RASGRP1: variants seen among roughly 807,000 people sequenced by gnomAD.
RASGRP1 encodes RAS guanyl-releasing protein 1.
Under a neutral mutation model 95.1 loss-of-function variants are expected in RASGRP1, and 37 were observed. The observed-to-expected ratio is 0.39, with a 90% CI of 0.30 to 0.51. The LOEUF (loss-of-function observed/expected upper bound fraction) is 0.51. Among genes scored for constraint, RASGRP1 ranks in the 20% least tolerant of loss-of-function variants. The pLI is 0.80. For synonymous variants in RASGRP1, 325 were observed against 353.4 expected (o/e 0.92, Z 0.90); for missense variants, 711 against 965.4 (o/e 0.74, Z 3.49).
intron 2 of RASGRP1, among the ~76,000 whole-genome samples, chr15:38,535,193 C>T (rs1201571806): frequency 6.6e-6 from 1 of 152,112 alleles, no homozygotes; most frequent in African/African-American, 2.4e-5. Context: ...GTAGAGGAAC[C>T]TCCACAAGAA....
At chr15:38,526,215 A>G in intron 3 of RASGRP1, 84 bp downstream of exon 3, 1 of 1,119,078 alleles carries the variant, frequency 8.9e-7, no homozygotes, top group South Asian at 1.3e-5. Context: ...CCAAACCAAT[A>G]AAAATAAAAG....
At chr15:38,511,053 A>G (rs1050695034) in intron 8 of RASGRP1, among the ~76,000 whole-genome samples, 1 of 152,236 alleles carries the variant, frequency 6.6e-6, no homozygotes, top group African/African-American at 2.4e-5. Context: ...AATGTACAGG[A>G]CATTTAAGAA....
intron 8 of RASGRP1, 86 bp downstream of exon 8, chr15:38,511,518 C>T (rs1891511786): frequency 2.9e-6 from 3 of 1,023,694 alleles, no homozygotes; most frequent in Non-Finnish European, 1.5e-6. Flanking sequence ...GTTGGAAATG[C>T]TCTCTGGGCT....
At chr15:38,548,977 G>T (rs1376940782) in intron 2 of RASGRP1, among the ~76,000 whole-genome samples, 2 of 152,202 alleles carry the variant, frequency 1.3e-5, no homozygotes, top group Non-Finnish European at 2.9e-5. Flanking sequence ...TTCCTTTAGG[G>T]ATTAAAGCAA....
chr15:38,561,966 T>C (rs1421681744), intron 1 of RASGRP1, among the ~76,000 whole-genome samples: 1 of 152,188 alleles, frequency 6.6e-6, no homozygotes. Flanking sequence ...TCTTGAGGCT[T>C]ACAGCCCAGA....
At chr15:38,506,389 T>A (rs1380514370) in intron 9 of RASGRP1, among the ~76,000 whole-genome samples, 1 of 152,130 alleles carries the variant, frequency 6.6e-6, no homozygotes, top group Non-Finnish European at 1.5e-5. Context: ...ATTCCCAGCA[T>A]TTTGGGAGGC....
At chr15:38,493,984 C>T (rs1160259781) in intron 16 of RASGRP1, among the ~76,000 whole-genome samples, 1 of 152,092 alleles carries the variant, frequency 6.6e-6, no homozygotes, top group Non-Finnish European at 1.5e-5. Flanking sequence ...CATTTTAGTT[C>T]CATCTAGAAA....
chr15:38,533,305 A>G (rs1823560658), intron 2 of RASGRP1, among the ~76,000 whole-genome samples: 1 of 152,194 alleles, frequency 6.6e-6, no homozygotes, highest in Admixed American at 6.5e-5. Flanking sequence ...GAGGTTGATA[A>G]TGGAGGTCAG....
chr15:38,501,361 C>G (rs781569235), intron 12 of RASGRP1, 74 bp from the exon 13 acceptor site: 3 of 1,525,932 alleles, frequency 2.0e-6, no homozygotes, highest in Non-Finnish European at 2.7e-6. Flanking sequence ...GGGCTTCTAG[C>G]CTTAGAAACT....
At chr15:38,505,440 T>C (rs1015834095) in intron 10 of RASGRP1, among the ~76,000 whole-genome samples, 16 of 152,154 alleles carry the variant, frequency 1.1e-4, no homozygotes, top group African/African-American at 3.9e-4. Context: ...CTCATTATCA[T>C]CAATGAATCA....
rs762807847 is a variant in RASGRP1 at position 38,494,400 on chromosome 15, G to A, written c.2241C>T (p.Thr747=). The A allele has an allele frequency of 1.2e-6, 2 of 1,613,918 alleles. No individual in the cohort carries two copies. Among genetic ancestry groups the A allele is most frequent in the Non-Finnish European group, 1.7e-6 (2 of 1,179,868 alleles). ...KEELRHLRLP[T]YQELEQEINT... ...AAGGTACCTGTTCCAGTTCTTGGTA[G>A]GTAGGCAGTCTGAGGTGACGGAGCT... Residue 747 remains threonine, a synonymous_variant, in exon 16 of 17, where the codon ACC becomes ACT. Coordinates refer to ENST00000310803, the MANE Select transcript of RASGRP1 (RefSeq NM_005739.4).
chr15:38,534,677 T>A (rs1595866513), intron 2 of RASGRP1: 1 of 152,238 alleles, frequency 6.6e-6, no homozygotes, highest in African/African-American at 2.4e-5. Context: ...TGACAGCTGG[T>A]GCCACAACCA....
intron 2 of RASGRP1, among the ~76,000 whole-genome samples, chr15:38,545,379 CA>C (rs1233831618): frequency 2.0e-5 from 3 of 152,168 alleles, no homozygotes; most frequent in African/African-American, 7.2e-5. Context: ...ATGCCCAGCA[CA>C]ATAGCCTTCC....
intron 2 of RASGRP1, among the ~76,000 whole-genome samples, chr15:38,553,748 G>C (rs1893429105): frequency 1.3e-5 from 2 of 152,194 alleles, no homozygotes; most frequent in African/African-American, 4.8e-5. Context: ...GAAGAGATAG[G>C]AATGCAGAAA....
rs1271654333 is a variant in RASGRP1, at chr15:38,516,209, G to T, written c.663C>A (p.Phe221Leu). The change falls in exon 6 of 17, where the codon TTC (phenylalanine) becomes TTA (leucine). Residue 221 changes from phenylalanine (F) to leucine (L), a missense_variant. Transcript: ENST00000310803. ...CTTGCATACATACCGATATCCTCCG[G>T]AAAGACTTGAACTCAAGGTAGGTGA... ...EHLTYLEFKS[F>L]RRISFSDYQN... 1 of 1,596,494 alleles carries T rather than the reference G, an allele frequency of 6.3e-7. No individual in the cohort carries two copies. Among genetic ancestry groups the T allele is most frequent in the South Asian group, 1.1e-5 (1 of 90,690 alleles).
At chr15:38,502,444 G>C in intron 11 of RASGRP1, 23 bp from the exon 12 acceptor site, 1 of 1,457,542 alleles carries the variant, frequency 6.9e-7, no homozygotes, top group Non-Finnish European at 9.6e-7. Flanking sequence ...AGTTTTTTTG[G>C]TGATTACTAA....
chr15:38,546,883 C>T (rs1418553439), intron 2 of RASGRP1, among the ~76,000 whole-genome samples: 2 of 152,196 alleles, frequency 1.3e-5, no homozygotes, highest in African/African-American at 4.8e-5. Flanking sequence ...CCATCCAGAA[C>T]ATATAGGAAG....
intron 16 of RASGRP1, among the ~76,000 whole-genome samples, chr15:38,493,179 CTTTTTTTT>C (rs71418810): frequency 9.6e-6 from 1 of 104,536 alleles, no homozygotes; most frequent in Non-Finnish European, 1.9e-5. Context: ...CACGCCGGGC[CTTTTTTTT>C]TTTTTTTTTT....
At chr15:38,510,291 C>G (rs2141109954) in intron 8 of RASGRP1, among the ~76,000 whole-genome samples, 1 of 152,318 alleles carries the variant, frequency 6.6e-6, no homozygotes, top group Non-Finnish European at 1.5e-5. Flanking sequence ...TCTCTGTCAC[C>G]TCTGAGATGT....
Sources: gnomAD v4.1 joint callset for allele counts (sites outside exome capture counted in the v4.1 genomes callset) on GRCh38, gnomAD v4.1.1 for gene constraint, MANE v1.5 for transcripts, NCBI Gene and HGNC (gene_info 2026-07-23, HGNC 2026-07-21) for gene names.